TOX4: variants seen among roughly 807,000 people sequenced by gnomAD.
TOX4 encodes the protein epidermal Langerhans cell protein LCP1.
TOX4 carries 12 observed loss-of-function variants against 61.0 expected under a neutral mutation model. That is an observed-to-expected ratio of 0.20 (90% CI 0.13 to 0.32). The LOEUF is 0.32. Among genes scored for constraint, TOX4 ranks in the 10% least tolerant of loss-of-function variants. The pLI is 1.00. For missense variants in TOX4, 499 were observed against 753.3 expected (o/e 0.66, Z 3.95); for synonymous variants, 268 against 274.8 (o/e 0.98, Z 0.24).
chr14:21,486,492 T>TTCTCC (rs1891191963), intron 2 of TOX4, among the ~76,000 whole-genome samples: 2 of 150,812 alleles, frequency 1.3e-5, no homozygotes, highest in African/African-American at 2.4e-5. Flanking sequence ...TATAAGGGGA[T>TTCTCC]TACCATTATA....
intron 5 of TOX4, among the ~76,000 whole-genome samples, 189 bp downstream of exon 5, chr14:21,489,592 T>A (rs536374084): frequency 2.6e-5 from 4 of 152,192 alleles, no homozygotes; most frequent in African/African-American, 9.6e-5. Flanking sequence ...AAATTTTTTT[T>A]TTTTGAGACA....
In TOX4 at chr14:21,496,527, A is replaced by G. The variant is rs1891407139; in HGVS notation, c.1806-19A>G. 1.2e-6 allele frequency: 2 copies of G among 1,605,572 alleles called. No homozygotes were observed. Among genetic ancestry groups the G allele is most frequent in the Non-Finnish European group, 1.7e-6 (2 of 1,173,054 alleles). On this transcript the variant is annotated intron_variant, in intron 8 of 8. Coordinates refer to ENST00000448790, the MANE Select transcript of TOX4 (RefSeq NM_014828.4). ...AGTTTGTGTATAATTCTGTTTGTGT[A>G]TGTCTTTTTCTCTCTTAGGGATGTA...
rs752158671 is a variant in TOX4 at position 21,492,941 on chromosome 14, G to A, written c.1325G>A (p.Arg442Gln). 4.3e-6 allele frequency: 7 copies of A among 1,611,266 alleles called. No homozygotes were observed. The highest frequency in any genetic ancestry group is 2.2e-5 in the East Asian group (1 of 44,832). Residue 442 changes from arginine to glutamine, a missense_variant, in exon 7 of 9, where the codon CGA becomes CAA. Transcript: ENST00000448790. ...AAASMQLPPPRLQPPPLQQMP... is the reference protein window; with the variant it reads ...AAASMQLPPPQLQPPPLQQMP... ...GCTTCTATGCAACTGCCTCCACCCC[G>A]ACTACAGCCCCCTCCATTACAACAG...
intron 5 of TOX4, among the ~76,000 whole-genome samples, chr14:21,491,393 T>C (rs1301677447): frequency 2.6e-5 from 4 of 151,934 alleles, no homozygotes; most frequent in African/African-American, 9.7e-5. Flanking sequence ...AGAGTCTCAC[T>C]GTGTCGCCCA....
chr14:21,492,300 A>G lies in TOX4; in HGVS notation c.815A>G (p.Tyr272Cys). 6.2e-7 allele frequency: 1 copy of G among 1,612,074 alleles called. No individual in the cohort carries two copies. Among genetic ancestry groups the G allele is most frequent in the Non-Finnish European group, 8.5e-7 (1 of 1,179,472 alleles). The change falls in exon 6 of 9, where the codon TAT becomes TGT. Residue 272 changes from tyrosine to cysteine, a missense_variant. Tyr to Cys is a radical substitution (Grantham distance 194). Coordinates refer to ENST00000448790, the MANE Select transcript of TOX4 (RefSeq NM_014828.4). ...TTTAAAGTCTCTTTTTTGCAGGTAT[A>G]TAAGAGGAAAACTGAGGCTGCCAAG... ...DSLGEEQKQV[Y>C]KRKTEAAKKE...
In TOX4 at chr14:21,496,532, T is replaced by G. The variant is rs201430793; in HGVS notation, c.1806-14T>G. 7.2e-5 allele frequency: 116 copies of G among 1,608,808 alleles called. No homozygotes were observed. In the East Asian group the frequency reaches 2.6e-3, roughly 36 times the overall value. On this transcript the variant is annotated splice_polypyrimidine_tract_variant and intron_variant, in intron 8 of 8. Coordinates refer to ENST00000448790, the MANE Select transcript of TOX4 (RefSeq NM_014828.4). ...GTGTATAATTCTGTTTGTGTATGTC[T>G]TTTTCTCTCTTAGGGATGTATTCTT... is the stretch of plus-strand genomic sequence containing the variant.
intron 2 of TOX4, among the ~76,000 whole-genome samples, chr14:21,479,252 T>A (rs1352398926): frequency 2.0e-5 from 3 of 149,984 alleles, no homozygotes; most frequent in Non-Finnish European, 4.4e-5. Context: ...CCCAACTGTT[T>A]GGGAGGCTGA....
chr14:21,495,091 C>T, intron 7 of TOX4, 138 bp from the exon 8 acceptor site: 1 of 884,508 alleles, frequency 1.1e-6, no homozygotes, highest in Admixed American at 2.4e-5. Flanking sequence ...AAGAACTCAC[C>T]TTCTTCTGCA....
Position 21,499,094 on chromosome 14 carries a change from A to T in TOX4, c.*2488A>T. ...GCGAGTGCCAGGAGATAGTCTTTCAATCATGCCATAGATTTCATCTGGTTT... is the reference window on the plus strand; with the variant it reads ...GCGAGTGCCAGGAGATAGTCTTTCATTCATGCCATAGATTTCATCTGGTTT... On this transcript the variant is annotated 3_prime_UTR_variant, in exon 9 of 9. Transcript: ENST00000448790. 1 of 1,614,172 alleles carries T rather than the reference A, an allele frequency of 6.2e-7. No homozygotes were observed.
chr14:21,494,963 T>A (rs1395281148), intron 7 of TOX4, among the ~76,000 whole-genome samples: 1 of 144,416 alleles, frequency 6.9e-6, no homozygotes, highest in Non-Finnish European at 1.5e-5. Context: ...ACTGCTTGAC[T>A]AGCCAGGCTT....
At chr14:21,491,529 T>C (rs1891290312) in intron 5 of TOX4, among the ~76,000 whole-genome samples, 2 of 145,898 alleles carry the variant, frequency 1.4e-5, no homozygotes, top group Admixed American at 1.4e-4. Context: ...GGGCTAGTTT[T>C]GTTTTTGTTT....
rs532697858 is a variant in TOX4 at position 21,488,492 on chromosome 14, T to C, written c.319-98T>C. ...ATGTTTTGTATTTTAAATGATACAA[T>C]TTGGGTAGGCAGGGAATTTATAAGC... On this transcript the variant is annotated intron_variant, in intron 3 of 8. Transcript: ENST00000448790. 54 of 1,172,640 alleles carry C rather than the reference T, an allele frequency of 4.6e-5. No homozygotes were observed. The African/African-American group carries it at 7.5e-4, about 16-fold the overall frequency. The allele number at this position is 1,172,640 out of a possible 1,614,324, so 72.6% of individuals were successfully genotyped here.
intron 5 of TOX4, 189 bp from the exon 6 acceptor site, chr14:21,492,107 T>C: frequency 1.8e-6 from 1 of 556,906 alleles, no homozygotes; most frequent in Non-Finnish European, 3.2e-6. Context: ...TTCAGAGGTA[T>C]GCTCAGTGGA....
Position 21,488,772 on chromosome 14 carries a change from G to C in TOX4, c.501G>C (p.Gln167His). The C allele has an allele frequency of 6.2e-7, 1 of 1,614,228 alleles. No individual in the cohort carries two copies. Among genetic ancestry groups the C allele is most frequent in the South Asian group, 1.1e-5 (1 of 91,082 alleles). The change falls in exon 4 of 9, where the codon CAG (glutamine) becomes CAC (histidine). Residue 167 changes from glutamine to histidine, a missense_variant. Transcript: ENST00000448790. Reference sequence around the variant, plus strand: ...GTGGCACCATCCTGCCACCTGCCCAGTCACCTGAAGATCGTCTTTCAACCA... The same window carrying C: ...GTGGCACCATCCTGCCACCTGCCCACTCACCTGAAGATCGTCTTTCAACCA... ...LGGGTILPPA[Q>H]SPEDRLSTTP...
chr14:21,495,342 G>A lies in TOX4; in HGVS notation c.1755G>A (p.Lys585=). ...SGCENPPIVS[K]DWDNEYCSNE... ...GTGAGAACCCTCCCATTGTGAGTAA[G>A]GACTGGGACAATGAATACTGCAGCA... The change falls in exon 8 of 9, where the codon AAG becomes AAA. Residue 585 remains lysine (K), a synonymous_variant. Coordinates refer to ENST00000448790, the MANE Select transcript of TOX4 (RefSeq NM_014828.4). The A allele has an allele frequency of 1.2e-6, 2 of 1,614,170 alleles. No individual in the cohort carries two copies. Among genetic ancestry groups the A allele is most frequent in the Non-Finnish European group, 1.7e-6 (2 of 1,180,030 alleles).
At chr14:21,478,187 C>T (rs1891038702) in intron 2 of TOX4, among the ~76,000 whole-genome samples, 1 of 152,260 alleles carries the variant, frequency 6.6e-6, no homozygotes, top group South Asian at 2.1e-4. Flanking sequence ...ATCCACCCAC[C>T]TCGGCCTCCC....
At chr14:21,487,967 T>G (rs1217831152) in intron 3 of TOX4, 9 of 268,572 alleles carry the variant, frequency 3.4e-5, no homozygotes, top group Middle Eastern at 1.2e-3. Flanking sequence ...TATTATGGCC[T>G]TCACATCCTA....
chr14:21,487,897 T>G, intron 3 of TOX4: 1 of 548,178 alleles, frequency 1.8e-6, no homozygotes, highest in Non-Finnish European at 2.8e-6. Context: ...TTTAAAATTG[T>G]ACAATGTCTG....
chr14:21,488,235 C>T (rs1891221208), intron 3 of TOX4: 1 of 208,392 alleles, frequency 4.8e-6, no homozygotes, highest in East Asian at 1.2e-4. Flanking sequence ...CTATGTATTA[C>T]AATTTTAAAA....
Sources: allele counts gnomAD v4.1 joint callset (sites outside exome capture counted in the v4.1 genomes callset), GRCh38; gene constraint gnomAD v4.1.1; transcripts MANE v1.5; gene names NCBI Gene and HGNC (gene_info 2026-07-23, HGNC 2026-07-21).